The following RNF13 variants were observed in gnomAD, a reference collection of about 807,000 sequenced individuals.
RNF13 encodes the protein ring finger protein 13, also known as E3 ubiquitin-protein ligase RNF13.
RNF13 carries 19 observed loss-of-function variants against 37.7 expected under a neutral mutation model. The observed-to-expected ratio is 0.50, with a 90% CI of 0.35 to 0.74. The LOEUF (loss-of-function observed/expected upper bound fraction) is 0.74, where lower values mean the gene tolerates loss of function less well. Among genes scored for constraint, RNF13 ranks in the 30% least tolerant of loss-of-function variants. The pLI, the probability that RNF13 is intolerant of heterozygous loss-of-function variation, is 0.01. For missense variants in RNF13, 375 were observed against 453.0 expected, an observed-to-expected ratio of 0.83 and a Z score of 1.56; for synonymous variants, 144 against 157.8, an observed-to-expected ratio of 0.91 and a Z score of 0.65.
intron 1 of RNF13, among the ~76,000 whole-genome samples, chr3:149,840,157 G>T (rs1467941073): frequency 6.6e-6 from 1 of 152,190 alleles, no homozygotes; most frequent in Non-Finnish European, 1.5e-5. Flanking sequence ...GAATTTGACA[G>T]TTGGAAAAAT....
intron 4 of RNF13, among the ~76,000 whole-genome samples, chr3:149,881,626 C>T (rs1047169221): frequency 4.9e-4 from 74 of 152,282 alleles, no homozygotes; most frequent in African/African-American, 1.8e-3. Context: ...CTACTGCACC[C>T]GGCCAACATA....
intron 4 of RNF13, among the ~76,000 whole-genome samples, chr3:149,894,384 A>T (rs1422481771): frequency 6.6e-6 from 1 of 152,130 alleles, no homozygotes; most frequent in Non-Finnish European, 1.5e-5. Flanking sequence ...CATCCTTTTT[A>T]CATTTGGGAA....
chr3:149,831,087 C>T (rs1039914248), intron 1 of RNF13, among the ~76,000 whole-genome samples: 5 of 152,346 alleles, frequency 3.3e-5, no homozygotes, highest in African/African-American at 9.6e-5. Flanking sequence ...GATGTCCAGA[C>T]AGAAGTTTGC....
intron 7 of RNF13, among the ~76,000 whole-genome samples, 171 bp downstream of exon 7, chr3:149,912,254 G>C (rs1012895926): frequency 6.6e-6 from 1 of 152,142 alleles, no homozygotes; most frequent in African/African-American, 2.4e-5. Flanking sequence ...GAAAAAGTAA[G>C]AATGGTGATT....
At chr3:149,906,968 G>C (rs977981493) in intron 6 of RNF13, among the ~76,000 whole-genome samples, 1 of 152,008 alleles carries the variant, frequency 6.6e-6, no homozygotes, top group African/African-American at 2.4e-5. Flanking sequence ...TATGTATTCA[G>C]CTTTGTTTAG....
At chr3:149,954,886 G>A (rs1460872451) in intron 8 of RNF13, among the ~76,000 whole-genome samples, 2 of 152,062 alleles carry the variant, frequency 1.3e-5, no homozygotes, top group South Asian at 2.1e-4. Flanking sequence ...GTGGTTTCCT[G>A]TATTTCCTGT....
At chr3:149,878,846 C>T (rs142205430) in intron 4 of RNF13, among the ~76,000 whole-genome samples, 52 of 152,142 alleles carry the variant, frequency 3.4e-4, no homozygotes, top group African/African-American at 1.2e-3. Context: ...ATTTTGTGTC[C>T]AGGCTGATGG....
chr3:149,951,723 T>C (rs1037854023), intron 8 of RNF13, among the ~76,000 whole-genome samples: 11 of 152,228 alleles, frequency 7.2e-5, no homozygotes, highest in African/African-American at 2.7e-4. Flanking sequence ...TAACACATAC[T>C]ATTATGTAGT....
chr3:149,938,285 C>G (rs1719904356), intron 8 of RNF13, among the ~76,000 whole-genome samples: 1 of 151,916 alleles, frequency 6.6e-6, no homozygotes, highest in Non-Finnish European at 1.5e-5. Context: ...TCAAGCAATT[C>G]TCCTCCTTCA....
chr3:149,838,088 A>G (rs1721809127), intron 1 of RNF13, among the ~76,000 whole-genome samples: 2 of 152,212 alleles, frequency 1.3e-5, no homozygotes, highest in African/African-American at 2.4e-5. Context: ...CTCCAAAATG[A>G]TCTCCTTTGA....
chr3:149,822,672 G>A (rs1388581565), intron 1 of RNF13: 1 of 151,978 alleles, frequency 6.6e-6, no homozygotes, highest in Admixed American at 6.5e-5. Context: ...TCCATTTCTG[G>A]TATCACGTTA....
At chr3:149,838,653 C>G (rs1277283167) in intron 1 of RNF13, among the ~76,000 whole-genome samples, 3 of 152,202 alleles carry the variant, frequency 2.0e-5, no homozygotes, top group Admixed American at 6.5e-5. Flanking sequence ...GCAGCAAGGC[C>G]CTGGGCCCAG....
intron 1 of RNF13, among the ~76,000 whole-genome samples, chr3:149,825,206 T>C (rs1265998677): frequency 6.6e-6 from 1 of 151,324 alleles, no homozygotes; most frequent in Non-Finnish European, 1.5e-5. Flanking sequence ...AGGCTTAGTC[T>C]TGCTCTGTTG....
intron 3 of RNF13, among the ~76,000 whole-genome samples, chr3:149,861,926 A>G (rs1210809260): frequency 6.6e-6 from 1 of 152,176 alleles, no homozygotes; most frequent in Non-Finnish European, 1.5e-5. Flanking sequence ...TTAAATGCCA[A>G]TAAAGTTTTA....
intron 4 of RNF13, among the ~76,000 whole-genome samples, chr3:149,881,999 T>G (rs1259530294): frequency 1.3e-5 from 2 of 152,056 alleles, no homozygotes; most frequent in African/African-American, 4.8e-5. Context: ...TCTTATCGGG[T>G]TTAGTTCTTT....
At chr3:149,862,046 C>G (rs564571995) in intron 3 of RNF13, among the ~76,000 whole-genome samples, 12 of 152,124 alleles carry the variant, frequency 7.9e-5, no homozygotes, top group Non-Finnish European at 1.6e-4. Context: ...ATTTTATGCA[C>G]TTATATGTGT....
At chr3:149,825,320 C>T (rs945606656) in intron 1 of RNF13, among the ~76,000 whole-genome samples, 14 of 152,014 alleles carry the variant, frequency 9.2e-5, no homozygotes, top group African/African-American at 2.9e-4. Flanking sequence ...GGCACCACCA[C>T]GCCTGGCTAA....
intron 1 of RNF13, among the ~76,000 whole-genome samples, chr3:149,821,773 A>C (rs191691523): frequency 1.1e-3 from 174 of 152,198 alleles, no homozygotes; most frequent in African/African-American, 4.1e-3. Context: ...TTCTTCCAAG[A>C]GTTTTATAAT....
rs1438566443 is a variant in RNF13, at chr3:149,839,951, G to A, written c.-16-6060G>A. Among the ~76,000 whole-genome samples the A allele has an allele frequency of 2.0e-5, 3 of 152,014 alleles. No individual in the cohort carries two copies. The South Asian group carries it at 6.2e-4, about 32-fold the overall frequency. On this transcript the variant is annotated intron_variant, in intron 1 of 9. Coordinates refer to ENST00000392894, the MANE Select transcript of RNF13 (RefSeq NM_183381.3). ...CTCTTGTACTGTCTCTGTTTATTGT[G>A]TTGAATTTTGTAGAAATTGGGGCAT...
Sources: allele counts gnomAD v4.1 joint callset (sites outside exome capture counted in the v4.1 genomes callset), GRCh38; gene constraint gnomAD v4.1.1; transcripts MANE v1.5; gene names NCBI Gene and HGNC (gene_info 2026-07-23, HGNC 2026-07-21).